Variants in AFF3 observed in about 807,000 individuals in gnomAD.
The protein encoded by AFF3 is ALF transcription elongation factor 3, also known as AF4/FMR2 family member 3.
In AFF3, 32 loss-of-function variants were observed where a neutral mutation model predicts 129.7. That is an observed-to-expected ratio of 0.25 (90% CI 0.19 to 0.33). The LOEUF is 0.33. Among genes scored for constraint, AFF3 ranks in the 10% least tolerant of loss-of-function variants. The pLI is 1.00. For synonymous variants in AFF3, 644 were observed against 635.4 expected (o/e 1.01, Z -0.20); for missense variants, 1,373 against 1,592.0 (o/e 0.86, Z 2.34).
intron 12 of AFF3, among the ~76,000 whole-genome samples, chr2:99,661,728 T>C (rs1412358356): frequency 6.6e-6 from 1 of 152,254 alleles, no homozygotes; most frequent in African/African-American, 2.4e-5. Context: ...AAAAGGCAAT[T>C]ACATGTTTGT....
Position 99,648,917 on chromosome 2 carries a change from A to ACTCTCTCTCTCTCTCTCTCTCTCTCTCT in AFF3, c.1184+708_1184+709insAGAGAGAGAGAGAGAGAGAGAGAGAGAG, listed in dbSNP as rs769906171. Among the ~76,000 whole-genome samples, 204 of 46,790 alleles carry ACTCTCTCTCTCTCTCTCTCTCTCTCTCT rather than the reference A, an allele frequency of 4.4e-3. 3 individuals are homozygous for ACTCTCTCTCTCTCTCTCTCTCTCTCTCT. The highest frequency in any genetic ancestry group is 7.0e-3 in the East Asian group (6 of 856). The allele number at this position is 46,790 out of a possible 152,430, so 30.7% of individuals were successfully genotyped here. A position where few individuals can be genotyped will look rare whatever the true frequency, so the allele number is the denominator to read the frequency against. On this transcript the variant is annotated intron_variant, in intron 13 of 24. Coordinates refer to ENST00000672756, the MANE Select transcript of AFF3 (RefSeq NM_001386135.1). ...CACACACACACACACACACACACAC[A>ACTCTCTCTCTCTCTCTCTCTCTCTCTCT]CTCTCTCTCTCTCTCTCTCTCCAAT...
chr2:100,016,829 GATGGTGGTA>G (rs777854509), intron 4 of AFF3, among the ~76,000 whole-genome samples: 109 of 151,480 alleles, frequency 7.2e-4, no homozygotes, highest in Non-Finnish European at 1.4e-3. Flanking sequence ...TGGTGGTGGT[GATGGTGGTA>G]ATGGTGGTGG....
At chr2:100,062,831 G>A (rs1687405508) in intron 4 of AFF3, among the ~76,000 whole-genome samples, 2 of 152,296 alleles carry the variant, frequency 1.3e-5, no homozygotes, top group Non-Finnish European at 2.9e-5. Context: ...AAGAACAGAT[G>A]CAAAGTGCCA....
chr2:99,702,060 C>A (rs1676920491), intron 11 of AFF3, among the ~76,000 whole-genome samples: 1 of 152,182 alleles, frequency 6.6e-6, no homozygotes, highest in Non-Finnish European at 1.5e-5. Context: ...TTGGCTATTG[C>A]AAATAAAGCT....
At chr2:100,110,172 G>A (rs1340902369) in intron 2 of AFF3, 1 of 152,168 alleles carries the variant, frequency 6.6e-6, no homozygotes, top group South Asian at 2.1e-4. Context: ...AAATGTTAGA[G>A]GTCTGTTTTT....
chr2:99,877,996 C>A (rs1692424433), intron 7 of AFF3, among the ~76,000 whole-genome samples: 1 of 152,156 alleles, frequency 6.6e-6, no homozygotes, highest in South Asian at 2.1e-4. Flanking sequence ...CTCAACACTG[C>A]TCCCCAGTTC....
intron 7 of AFF3, among the ~76,000 whole-genome samples, chr2:99,944,490 C>G (rs951650232): frequency 6.6e-6 from 1 of 152,180 alleles, no homozygotes; most frequent in Admixed American, 6.5e-5. Context: ...AGAGGTTGGT[C>G]AATGCTTCCC....
At chr2:99,984,528 T>C (rs1164484794) in intron 7 of AFF3, among the ~76,000 whole-genome samples, 2 of 152,208 alleles carry the variant, frequency 1.3e-5, no homozygotes, top group African/African-American at 4.8e-5. Flanking sequence ...TTGCTTTGTT[T>C]GGGTAACCTA....
intron 18 of AFF3, among the ~76,000 whole-genome samples, chr2:99,577,733 C>A (rs1171385773): frequency 2.6e-5 from 4 of 152,308 alleles, no homozygotes; most frequent in Admixed American, 6.5e-5. Flanking sequence ...TTCAGCCTCT[C>A]GAGAGCATTC....
chr2:99,835,169 C>G (rs1007776975), intron 8 of AFF3, among the ~76,000 whole-genome samples: 1 of 152,172 alleles, frequency 6.6e-6, no homozygotes, highest in Non-Finnish European at 1.5e-5. Flanking sequence ...TTCTCCTTTT[C>G]CCGGTGGATC....
chr2:100,059,254 C>CCAAAAA (rs777058214), intron 4 of AFF3, among the ~76,000 whole-genome samples: 1 of 31,002 alleles, frequency 3.2e-5, no homozygotes, highest in African/African-American at 1.5e-4. Flanking sequence ...ACTCTGTCTC[C>CCAAAAA]AAAAAAAAAA....
intron 4 of AFF3, among the ~76,000 whole-genome samples, chr2:100,009,309 A>G (rs1682283941): frequency 6.6e-6 from 1 of 151,358 alleles, no homozygotes; most frequent in Admixed American, 6.6e-5. Context: ...TGAGTGTTAT[A>G]TGGGAATGCT....
chr2:99,734,403 C>A (rs1680085016), intron 10 of AFF3, among the ~76,000 whole-genome samples: 1 of 151,848 alleles, frequency 6.6e-6, no homozygotes, highest in South Asian at 2.1e-4. Flanking sequence ...CCAAGGATGT[C>A]CATCCAGTAT....
intron 8 of AFF3, among the ~76,000 whole-genome samples, chr2:99,813,034 CA>C (rs979645956): frequency 9.9e-4 from 142 of 142,956 alleles, no homozygotes; most frequent in African/African-American, 2.2e-3. Context: ...GCTTGACCTC[CA>C]AAAAAAAAAA....
intron 11 of AFF3, among the ~76,000 whole-genome samples, chr2:99,678,986 C>CAT (rs1558738362): frequency 6.6e-6 from 1 of 152,242 alleles, no homozygotes; most frequent in Non-Finnish European, 1.5e-5. Context: ...TAGCTCATGC[C>CAT]ATCCCAGCTA....
At chr2:99,839,581 T>C (rs916595819) in intron 7 of AFF3, among the ~76,000 whole-genome samples, 1 of 151,932 alleles carries the variant, frequency 6.6e-6, no homozygotes, top group African/African-American at 2.4e-5. Flanking sequence ...TGTCTCATTG[T>C]GGCTTTGATC....
At chr2:99,705,246 A>G (rs1677245139) in intron 11 of AFF3, among the ~76,000 whole-genome samples, 1 of 152,182 alleles carries the variant, frequency 6.6e-6, no homozygotes, top group Non-Finnish European at 1.5e-5. Context: ...GTGAGAAATT[A>G]AAGGATGGGA....
intron 7 of AFF3, among the ~76,000 whole-genome samples, chr2:99,839,543 A>G (rs997817190): frequency 1.3e-5 from 2 of 152,070 alleles, no homozygotes; most frequent in African/African-American, 4.8e-5. Context: ...TCTACTTTAT[A>G]ATAGCTATCC....
chr2:100,084,129 T>TA (rs1689244419), intron 4 of AFF3, among the ~76,000 whole-genome samples: 1 of 152,156 alleles, frequency 6.6e-6, no homozygotes, highest in Admixed American at 6.5e-5. Flanking sequence ...GGAAATAGCT[T>TA]AGAAAAAAAA....
Sources: gnomAD v4.1 joint callset for allele counts (sites outside exome capture counted in the v4.1 genomes callset) on GRCh38, gnomAD v4.1.1 for gene constraint, MANE v1.5 for transcripts, NCBI Gene and HGNC (gene_info 2026-07-23, HGNC 2026-07-21) for gene names.